Variants in ERN2 observed in about 807,000 individuals in gnomAD.
ERN2 encodes the protein serine/threonine-protein kinase/endoribonuclease IRE2.
ERN2 carries 111 observed loss-of-function variants against 107.9 expected under a neutral mutation model. That is an observed-to-expected ratio of 1.03 (90% CI 0.88 to 1.20). The LOEUF (loss-of-function observed/expected upper bound fraction) is 1.20, where lower values mean the gene tolerates loss of function less well. Ranked by LOEUF, ERN2 falls within the 50% of genes most tolerant of loss-of-function variation. ERN2 has a pLI of 0.00. For missense variants in ERN2, 1,225 were observed against 1,197.9 expected (o/e 1.02, Z -0.33); for synonymous variants, 524 against 501.7 (o/e 1.04, Z -0.59).
At chr16:23,709,245 T>C in intron 4 of ERN2, 2 of 451,850 alleles carry the variant, frequency 4.4e-6, no homozygotes, top group Non-Finnish European at 8.9e-6. Flanking sequence ...GCAGTGAGCC[T>C]TGTGATCGTA....
rs778360605 is a variant in ERN2 at position 23,691,431 on chromosome 16, G to C, written c.2377-6C>G. The C allele has an allele frequency of 6.3e-7, 1 of 1,597,918 alleles. No homozygotes were observed. Among genetic ancestry groups the C allele is most frequent in the African/African-American group, 1.3e-5 (1 of 74,890 alleles). ...TCCAGCCAGTCACTGACGTCCTGGG[G>C]CCCAGAGAGCTCCTGAGCCTTGTGA... On this transcript the variant is annotated splice_polypyrimidine_tract_variant and splice_region_variant and intron_variant, in intron 19 of 21. Transcript: ENST00000256797.
intron 17 of ERN2, among the ~76,000 whole-genome samples, chr16:23,694,165 G>C (rs951855217): frequency 6.6e-6 from 1 of 152,080 alleles, no homozygotes; most frequent in Non-Finnish European, 1.5e-5. Context: ...CGGCTAAATT[G>C]TGTGTGCTTT....
At position 23,690,808 on chromosome 16, in the gene ERN2, A is replaced by T; in HGVS notation, c.*23T>A. 6.3e-7 allele frequency: 1 copy of T among 1,593,424 alleles called. No individual in the cohort carries two copies. The highest frequency in any genetic ancestry group is 8.5e-7 in the Non-Finnish European group (1 of 1,170,276). On this transcript the variant is annotated 3_prime_UTR_variant, in exon 22 of 22. Transcript: ENST00000256797. ...TCTTCAGTGAGCCAGCACGGAGACC[A>T]TCTGTGTGGCATCCAGCCCACCTCA...
chr16:23,697,756 CGTT>C (rs921014557), intron 13 of ERN2, among the ~76,000 whole-genome samples: 17 of 152,086 alleles, frequency 1.1e-4, no homozygotes, highest in East Asian at 9.7e-4. Context: ...GAGTTTTTGT[CGTT>C]GTTGTTGTTG....
Position 23,695,204 on chromosome 16 carries a change from T to C in ERN2, c.1796A>G (p.Gln599Arg), listed in dbSNP as rs1224766671. The C allele has an allele frequency of 1.2e-6, 2 of 1,613,962 alleles. No individual in the cohort carries two copies. Among genetic ancestry groups the C allele is most frequent in the South Asian group, 2.2e-5 (2 of 91,072 alleles). Reference sequence around the variant, plus strand: ...CTGAACCGCAATGCAACTCACCTCCTGCAAGGAGGCCCGGCAGAGCTCCAG... The same window carrying C: ...CTGAACCGCAATGCAACTCACCTCCCGCAAGGAGGCCCGGCAGAGCTCCAG... ...IALELCRASL[Q>R]EYVENPDLDR... The change falls in exon 15 of 22, where the codon CAG becomes CGG. Residue 599 changes from glutamine (Q) to arginine (R), a missense_variant. Gln to Arg is a conservative substitution (Grantham distance 43). Coordinates refer to ENST00000256797, the MANE Select transcript of ERN2 (RefSeq NM_033266.4).
In ERN2 at chr16:23,705,008, C is replaced by G; in HGVS notation, c.729G>C (p.Leu243=). Residue 243 remains leucine, a synonymous_variant, in exon 8 of 22, where the codon CTG becomes CTC. Transcript: ENST00000256797. ...YTWHQDGLRQ[L]PHLTLARDTL... ...TGTCTCGAGCCAGCGTGAGATGCGG[C>G]AGCTGGCGCAGGCCGTCCTGGTGCC... 6.2e-7 allele frequency: 1 copy of G among 1,614,012 alleles called. No individual in the cohort carries two copies. The highest frequency in any genetic ancestry group is 8.5e-7 in the Non-Finnish European group (1 of 1,180,034).
At chr16:23,705,855 G>A (rs1052342997) in intron 7 of ERN2, among the ~76,000 whole-genome samples, 1 of 152,232 alleles carries the variant, frequency 6.6e-6, no homozygotes, top group South Asian at 2.1e-4. Flanking sequence ...TGGAGGCTAC[G>A]GTAAGCTGTG....
intron 7 of ERN2, 37 bp from the exon 8 acceptor site, chr16:23,705,184 G>C: frequency 1.2e-6 from 2 of 1,604,842 alleles, no homozygotes; most frequent in Non-Finnish European, 1.7e-6. Flanking sequence ...GTGGTTGGAA[G>C]CTCTCCTAAG....
intron 17 of ERN2, among the ~76,000 whole-genome samples, chr16:23,694,002 T>C (rs1054628299): frequency 3.9e-5 from 6 of 152,058 alleles, no homozygotes; most frequent in Non-Finnish European, 8.8e-5. Flanking sequence ...GTTTGTTTGT[T>C]TTTTGTTTTT....
At position 23,691,121 on chromosome 16, in the gene ERN2, A is replaced by G; in HGVS notation, c.2568+8T>C. 1.2e-6 allele frequency: 2 copies of G among 1,613,152 alleles called. No individual in the cohort carries two copies. Among genetic ancestry groups the G allele is most frequent in the East Asian group, 2.2e-5 (1 of 44,858 alleles). On this transcript the variant is annotated splice_region_variant and intron_variant, in intron 21 of 21. Coordinates refer to ENST00000256797, the MANE Select transcript of ERN2 (RefSeq NM_033266.4). Reference sequence around the variant, plus strand: ...AAGACCCAGGCCCACCCAGGCCCCAACACATACCTTGTTCCTCACAGCACG... The same window carrying G: ...AAGACCCAGGCCCACCCAGGCCCCAGCACATACCTTGTTCCTCACAGCACG...
intron 19 of ERN2, 107 bp downstream of exon 19, chr16:23,691,856 C>G: frequency 7.0e-7 from 1 of 1,427,042 alleles, no homozygotes; most frequent in South Asian, 1.4e-5. Context: ...CTCCCAGGAC[C>G]AGGTAGCTCT....
chr16:23,693,911 G>A (rs754708243), intron 17 of ERN2, among the ~76,000 whole-genome samples: 3 of 152,144 alleles, frequency 2.0e-5, no homozygotes, highest in Non-Finnish European at 2.9e-5. Flanking sequence ...CGATACCAGT[G>A]GTTCTGGAAC....
intron 11 of ERN2, 25 bp downstream of exon 11, chr16:23,702,127 C>A (rs375221580): frequency 6.2e-6 from 10 of 1,603,228 alleles, no homozygotes; most frequent in East Asian, 2.2e-5. Context: ...TCCCTACCCC[C>A]ACTCTCTCCC....
intron 19 of ERN2, 31 bp downstream of exon 19, chr16:23,691,932 T>C (rs2141003747): frequency 8.1e-6 from 13 of 1,603,954 alleles, no homozygotes; most frequent in Non-Finnish European, 1.1e-5. Flanking sequence ...CTTAGGACTT[T>C]TGGGGGCCAT....
intron 13 of ERN2, among the ~76,000 whole-genome samples, chr16:23,699,285 G>A (rs1032201696): frequency 2.0e-5 from 3 of 152,160 alleles, no homozygotes; most frequent in African/African-American, 4.8e-5. Flanking sequence ...ATAGACTTCC[G>A]CCTGAGAAGG....
chr16:23,690,524 G>A lies in ERN2; in HGVS notation c.*307C>T. On this transcript the variant is annotated 3_prime_UTR_variant, in exon 22 of 22. Coordinates refer to ENST00000256797, the MANE Select transcript of ERN2 (RefSeq NM_033266.4). ...GGCTGGAGTGCAGTGGCATGATCCTGGCTCACTGCAGCCTCGAACTCCTGG... is the reference window on the plus strand; with the variant it reads ...GGCTGGAGTGCAGTGGCATGATCCTAGCTCACTGCAGCCTCGAACTCCTGG... 4.2e-6 allele frequency: 2 copies of A among 478,522 alleles called. No homozygotes were observed. Among genetic ancestry groups the A allele is most frequent in the Non-Finnish European group, 7.7e-6 (2 of 260,502 alleles). The allele number at this position is 478,522 out of a possible 1,614,324, so 29.6% of individuals were successfully genotyped here. A position where few individuals can be genotyped will look rare whatever the true frequency, so the allele number is the denominator to read the frequency against.
rs1218068898 is a variant in ERN2 at position 23,702,136 on chromosome 16, C to T, written c.1203+16G>A. 1.2e-6 allele frequency: 2 copies of T among 1,606,966 alleles called. No individual in the cohort carries two copies. The highest frequency in any genetic ancestry group is 1.7e-6 in the Non-Finnish European group (2 of 1,177,704). On this transcript the variant is annotated intron_variant, in intron 11 of 21. Transcript: ENST00000256797. Reference sequence around the variant, plus strand: ...GGGGCCTCCCTACCCCCACTCTCTCCCCTCCCAGCACTGACCTCCAAGAAG... The same window carrying T: ...GGGGCCTCCCTACCCCCACTCTCTCTCCTCCCAGCACTGACCTCCAAGAAG...
rs773957616 is a variant in ERN2 at position 23,704,878 on chromosome 16, C to A, written c.854+5G>T. On this transcript the variant is annotated splice_donor_5th_base_variant and intron_variant, in intron 8 of 21. Coordinates refer to ENST00000256797, the MANE Select transcript of ERN2 (RefSeq NM_033266.4). ...CCTCCCTGGGCCCCAGGCACGAACA[C>A]CTACAGCAGCTGGGTGTCCAAGGTA... 9 of 1,606,420 alleles carry A rather than the reference C, an allele frequency of 5.6e-6. No homozygotes were observed. Among genetic ancestry groups the A allele is most frequent in the African/African-American group, 1.3e-5 (1 of 74,888 alleles).
chr16:23,703,722 C>T (rs1960185604), intron 8 of ERN2, among the ~76,000 whole-genome samples: 1 of 152,178 alleles, frequency 6.6e-6, no homozygotes, highest in Non-Finnish European at 1.5e-5. Flanking sequence ...GTCTGTATTT[C>T]AGTCTTATTT....
Sources: gnomAD v4.1 joint callset for allele counts (sites outside exome capture counted in the v4.1 genomes callset) on GRCh38, gnomAD v4.1.1 for gene constraint, MANE v1.5 for transcripts, NCBI Gene and HGNC (gene_info 2026-07-23, HGNC 2026-07-21) for gene names.